ATP10B: variants seen among roughly 807,000 people sequenced by gnomAD.
The protein encoded by ATP10B is phospholipid-transporting ATPase VB.
Under a neutral mutation model 141.2 loss-of-function variants are expected in ATP10B, and 122 were observed. That is an observed-to-expected ratio of 0.86 (90% CI 0.75 to 1.00). ATP10B has a LOEUF of 1.00. Ranked by LOEUF, ATP10B falls within the 50% of genes least tolerant of loss-of-function variation. The pLI, the probability that ATP10B is intolerant of heterozygous loss-of-function variation, is 0.00. For synonymous variants in ATP10B, 685 were observed against 692.0 expected (o/e 0.99, Z 0.16); for missense variants, 1,876 against 1,825.3 (o/e 1.03, Z -0.51).
At chr5:160,590,642 G>A (rs1756227745) in intron 23 of ATP10B, among the ~76,000 whole-genome samples, 1 of 152,166 alleles carries the variant, frequency 6.6e-6, no homozygotes, top group Non-Finnish European at 1.5e-5. Flanking sequence ...CAAAGCACAA[G>A]TGTATATAAA....
At chr5:160,846,943 T>C (rs1180659599) in intron 1 of ATP10B, among the ~76,000 whole-genome samples, 1 of 152,204 alleles carries the variant, frequency 6.6e-6, no homozygotes, top group Non-Finnish European at 1.5e-5. Flanking sequence ...AATGATCCTA[T>C]GCGGTTGAAG....
intron 2 of ATP10B, among the ~76,000 whole-genome samples, chr5:160,726,243 G>A (rs985406915): frequency 2.0e-5 from 3 of 152,174 alleles, no homozygotes; most frequent in Admixed American, 6.5e-5. Flanking sequence ...GGATAAGTGC[G>A]GGGTTTTTCT....
intron 1 of ATP10B, among the ~76,000 whole-genome samples, chr5:160,835,216 A>G (rs1775344466): frequency 6.6e-6 from 1 of 152,160 alleles, no homozygotes; most frequent in South Asian, 2.1e-4. Flanking sequence ...CTCGAGATAG[A>G]GAGACAAAGC....
chr5:160,705,112 G>A (rs546820865), intron 3 of ATP10B, among the ~76,000 whole-genome samples: 3 of 151,628 alleles, frequency 2.0e-5, no homozygotes, highest in Admixed American at 6.6e-5. Flanking sequence ...TAGAGACGGG[G>A]TTTCACTGTG....
chr5:160,869,368 G>A, the ATP10B span, among the ~76,000 whole-genome samples: 1 of 151,828 alleles, frequency 6.6e-6, no homozygotes, highest in Non-Finnish European at 1.5e-5. Context: ...TGGTTAAAAG[G>A]AGCTAAGTAT....
At chr5:160,920,959 T>A in the ATP10B span, among the ~76,000 whole-genome samples, 2 of 152,172 alleles carry the variant, frequency 1.3e-5, no homozygotes, top group Non-Finnish European at 2.9e-5. Context: ...TCTCTCTTTT[T>A]AAAGGTTTAA....
chr5:160,894,793 G>T, the ATP10B span, among the ~76,000 whole-genome samples: 1 of 152,136 alleles, frequency 6.6e-6, no homozygotes, highest in Non-Finnish European at 1.5e-5. Context: ...AATGTTAAGG[G>T]CAGCCAGAGA....
At chr5:160,592,398 T>C (rs1051435494) in intron 22 of ATP10B, among the ~76,000 whole-genome samples, 5 of 152,124 alleles carry the variant, frequency 3.3e-5, no homozygotes, top group African/African-American at 1.2e-4. Context: ...CAGTCCCATA[T>C]TAATGTGTGA....
At chr5:160,661,060 C>A (rs1761875973) in intron 7 of ATP10B, among the ~76,000 whole-genome samples, 1 of 152,100 alleles carries the variant, frequency 6.6e-6, no homozygotes, top group Non-Finnish European at 1.5e-5. Flanking sequence ...GTGGCACATG[C>A]CTGTAATCCC....
chr5:160,887,916 C>A, the ATP10B span, among the ~76,000 whole-genome samples: 3 of 152,220 alleles, frequency 2.0e-5, no homozygotes, highest in African/African-American at 7.2e-5. Context: ...CAACTGCTAA[C>A]CTATGATATT....
At chr5:160,755,039 A>G (rs1303183149) in intron 2 of ATP10B, among the ~76,000 whole-genome samples, 2 of 152,214 alleles carry the variant, frequency 1.3e-5, no homozygotes, top group Admixed American at 6.5e-5. Context: ...TCATATTGCT[A>G]TAAAGAACTA....
At chr5:160,836,700 TAC>T (rs1359626132) in intron 1 of ATP10B, among the ~76,000 whole-genome samples, 4 of 152,264 alleles carry the variant, frequency 2.6e-5, no homozygotes, top group African/African-American at 9.6e-5. Flanking sequence ...CAGGGTTTCA[TAC>T]ATTTGGTCCC....
At chr5:160,799,674 G>T (rs1772236272) in intron 1 of ATP10B, among the ~76,000 whole-genome samples, 1 of 152,190 alleles carries the variant, frequency 6.6e-6, no homozygotes, top group Non-Finnish European at 1.5e-5. Context: ...ATTCATGAAT[G>T]CTAGCACCTG....
the ATP10B span, among the ~76,000 whole-genome samples, chr5:160,878,617 A>C: frequency 3.3e-5 from 5 of 152,074 alleles, no homozygotes; most frequent in South Asian, 4.2e-4. Flanking sequence ...AATGGGAGAA[A>C]ATTTTCACAA....
At chr5:160,728,108 T>C (rs1766486625) in intron 2 of ATP10B, among the ~76,000 whole-genome samples, 1 of 151,886 alleles carries the variant, frequency 6.6e-6, no homozygotes. Context: ...TACTTTTTTT[T>C]TCTTTTCAAA....
intron 1 of ATP10B, among the ~76,000 whole-genome samples, chr5:160,818,649 G>A (rs1224935530): frequency 6.6e-6 from 1 of 152,182 alleles, no homozygotes. Flanking sequence ...CCATTACTGG[G>A]TATATACCCA....
chr5:160,580,665 G>A (rs1006435812), intron 24 of ATP10B, among the ~76,000 whole-genome samples: 2 of 152,174 alleles, frequency 1.3e-5, no homozygotes, highest in Non-Finnish European at 2.9e-5. Flanking sequence ...GGATGATGCT[G>A]GCTTCATAAA....
intron 8 of ATP10B, among the ~76,000 whole-genome samples, chr5:160,644,902 G>A (rs1419380006): frequency 1.7e-4 from 26 of 152,076 alleles, no homozygotes. Context: ...TGGATCATGA[G>A]GTCAGGAGTT....
chr5:160,695,713 T>C (rs1358907814), intron 3 of ATP10B, among the ~76,000 whole-genome samples: 2 of 152,162 alleles, frequency 1.3e-5, no homozygotes, highest in Non-Finnish European at 2.9e-5. Context: ...ATCAGTGGGT[T>C]AGGACTATGG....
Sources: allele counts gnomAD v4.1 joint callset (sites outside exome capture counted in the v4.1 genomes callset), GRCh38; gene constraint gnomAD v4.1.1; transcripts MANE v1.5; gene names NCBI Gene and HGNC (gene_info 2026-07-23, HGNC 2026-07-21).